The following SMC6 variants were observed in gnomAD, a reference collection of about 807,000 sequenced individuals.
SMC6 encodes the protein structural maintenance of chromosomes protein 6.
SMC6 carries 79 observed loss-of-function variants against 142.2 expected under a neutral mutation model. The ratio of observed to expected loss-of-function variants is 0.56; its 90% CI spans 0.46 to 0.67. SMC6 has a LOEUF of 0.67. Ranked by LOEUF, SMC6 falls within the 30% of genes least tolerant of loss-of-function variation. The pLI is 0.00. For missense variants in SMC6, 1,072 were observed against 1,284.0 expected (o/e 0.83, Z 2.52); for synonymous variants, 411 against 412.4 (o/e 1.00, Z 0.04).
intron 24 of SMC6, 138 bp from the exon 25 acceptor site, chr2:17,679,102 A>C (rs536072368): frequency 7.9e-4 from 439 of 553,418 alleles, no homozygotes; most frequent in African/African-American, 7.3e-3. Context: ...TTAATAGTTG[A>C]GTTTTAGGTA....
intron 18 of SMC6, among the ~76,000 whole-genome samples, chr2:17,703,832 A>G (rs759230245): frequency 5.9e-5 from 9 of 152,136 alleles, no homozygotes; most frequent in Non-Finnish European, 1.2e-4. Context: ...ACTGTACTGT[A>G]TATACTGTAT....
At chr2:17,732,923 ATCTT>A (rs1333140327) in intron 5 of SMC6, among the ~76,000 whole-genome samples, 3 of 152,258 alleles carry the variant, frequency 2.0e-5, no homozygotes, top group African/African-American at 2.4e-5. Flanking sequence ...AAAAAAAAAA[ATCTT>A]TATTTGTGTA....
chr2:17,690,795 G>T (rs551526928), intron 23 of SMC6, among the ~76,000 whole-genome samples: 11 of 151,906 alleles, frequency 7.2e-5, no homozygotes, highest in Admixed American at 7.2e-4. Context: ...TAAAATTACG[G>T]TTAATTCTTT....
chr2:17,734,435 C>T (rs931090682), intron 5 of SMC6, among the ~76,000 whole-genome samples: 9 of 152,068 alleles, frequency 5.9e-5, no homozygotes, highest in African/African-American at 1.7e-4. Flanking sequence ...TTCTAATGAA[C>T]GGTTAAGGTT....
intron 6 of SMC6, 117 bp downstream of exon 6, chr2:17,731,624 A>T: frequency 1.0e-6 from 1 of 961,380 alleles, no homozygotes; most frequent in East Asian, 2.4e-5. Flanking sequence ...GTATATATAT[A>T]TGCACACAAC....
chr2:17,738,987 G>A (rs1352825327), intron 4 of SMC6, among the ~76,000 whole-genome samples: 1 of 148,968 alleles, frequency 6.7e-6, no homozygotes, highest in Non-Finnish European at 1.5e-5. Context: ...TAAGCTCCAT[G>A]TGGACAGGAA....
intron 16 of SMC6, among the ~76,000 whole-genome samples, chr2:17,711,377 C>T (rs1668816975): frequency 6.6e-6 from 1 of 152,098 alleles, no homozygotes; most frequent in Admixed American, 6.6e-5. Context: ...TAATAGGACA[C>T]AGGTTCACAA....
chr2:17,736,249 T>C (rs544508925), intron 5 of SMC6, among the ~76,000 whole-genome samples: 2 of 152,182 alleles, frequency 1.3e-5, no homozygotes, highest in South Asian at 4.2e-4. Context: ...TAACTGTGTT[T>C]TAAAATATAT....
At chr2:17,701,603 G>A (rs562371847) in intron 20 of SMC6, among the ~76,000 whole-genome samples, 72 of 151,958 alleles carry the variant, frequency 4.7e-4, no homozygotes, top group African/African-American at 1.3e-3. Flanking sequence ...CCATGTGATA[G>A]GAGACAAAAT....
intron 23 of SMC6, among the ~76,000 whole-genome samples, chr2:17,684,576 C>T (rs982113322): frequency 1.3e-5 from 2 of 152,176 alleles, no homozygotes; most frequent in Non-Finnish European, 2.9e-5. Context: ...ATAATCCCAG[C>T]ACTTTGGGAG....
At chr2:17,705,030 G>A (rs1668435755) in intron 18 of SMC6, among the ~76,000 whole-genome samples, 1 of 152,058 alleles carries the variant, frequency 6.6e-6, no homozygotes, top group South Asian at 2.1e-4. Flanking sequence ...GCTGAGGTGG[G>A]CAGATCACTT....
chr2:17,747,395 T>G (rs1344650034), intron 2 of SMC6, among the ~76,000 whole-genome samples: 1 of 152,200 alleles, frequency 6.6e-6, no homozygotes, highest in African/African-American at 2.4e-5. Flanking sequence ...AGGGAAGCAG[T>G]TCTCAAAGGT....
Position 17,720,978 on chromosome 2 carries a change from G to C in SMC6, c.907C>G (p.Arg303Gly). ...IRDNIKIGED[R>G]AARLDRKMEE... ...ATTTTCCTGTCAAGTCTAGCAGCAC[G>C]ATCTTCTCCAATTTTGATATTATCT... The change falls in exon 11 of 28, where the codon CGT becomes GGT. Residue 303 changes from arginine to glycine, a missense_variant. Arg to Gly is a moderately radical substitution (Grantham distance 125). Transcript: ENST00000448223. 1.2e-6 allele frequency: 2 copies of C among 1,613,572 alleles called. No individual in the cohort carries two copies. The highest frequency in any genetic ancestry group is 1.7e-4 in the Middle Eastern group (1 of 5,972).
Position 17,707,355 on chromosome 2 carries a change from T to A in SMC6, c.1870A>T (p.Met624Leu), listed in dbSNP as rs1364928747. 2 of 1,576,038 alleles carry A rather than the reference T, an allele frequency of 1.3e-6. No homozygotes were observed. Among genetic ancestry groups the A allele is most frequent in the Non-Finnish European group, 1.7e-6 (2 of 1,164,310 alleles). ...TTTTTGGGTGGCTTTTGGGACTGCA[T>A]TACTGCACGAGCTACAGAATTATTC... ...IKNNSVARAV[M>L]QSQKPPKNCR... The change falls in exon 18 of 28, where the codon ATG becomes TTG. Residue 624 changes from methionine (M) to leucine (L), a missense_variant. Around this residue, in one of 3 missense-constraint regions of SMC6, gnomAD observed 994 missense variants for 1,153.2 expected, o/e 0.86. Coordinates refer to ENST00000448223, the MANE Select transcript of SMC6 (RefSeq NM_001142286.2).
intron 9 of SMC6, among the ~76,000 whole-genome samples, chr2:17,721,981 G>A (rs925827216): frequency 1.3e-5 from 2 of 152,056 alleles, no homozygotes; most frequent in African/African-American, 4.8e-5. Context: ...GTAGCTTATG[G>A]ACTTCATATT....
At chr2:17,736,049 T>G (rs187570973) in intron 5 of SMC6, among the ~76,000 whole-genome samples, 1 of 152,068 alleles carries the variant, frequency 6.6e-6, no homozygotes. Context: ...ACTAAAAACC[T>G]CAACAAGCTG....
At position 17,696,278 on chromosome 2, in the gene SMC6, T is replaced by G; in HGVS notation, c.2532+11A>C. ...TGAAAACAAAATAACTTGAAAAAAA[T>G]GGTGAAAAACCTCTAGTTCTTTCTC... On this transcript the variant is annotated intron_variant, in intron 22 of 27. Transcript: ENST00000448223. 1 of 1,579,492 alleles carries G rather than the reference T, an allele frequency of 6.3e-7. No individual in the cohort carries two copies. The highest frequency in any genetic ancestry group is 8.5e-7 in the Non-Finnish European group (1 of 1,170,958).
chr2:17,716,324 C>T lies in SMC6; in HGVS notation c.1347-60G>A, dbSNP rs1669082867. On this transcript the variant is annotated intron_variant, in intron 14 of 27. Coordinates refer to ENST00000448223, the MANE Select transcript of SMC6 (RefSeq NM_001142286.2). Reference sequence around the variant, plus strand: ...GTGATAGTTTTACAGAAACATTTAACCTTTGCCCATAACACCTACATCCCA... The same window carrying T: ...GTGATAGTTTTACAGAAACATTTAATCTTTGCCCATAACACCTACATCCCA... The T allele has an allele frequency of 2.6e-6, 4 of 1,530,558 alleles. No homozygotes were observed. In the Admixed American group the frequency reaches 8.8e-5, roughly 34 times the overall value. 94.8% of individuals were successfully genotyped at this position (1,530,558 alleles called of 1,614,324 possible).
At chr2:17,735,385 A>G (rs1485157622) in intron 5 of SMC6, among the ~76,000 whole-genome samples, 2 of 152,234 alleles carry the variant, frequency 1.3e-5, no homozygotes, top group African/African-American at 2.4e-5. Flanking sequence ...GTGCACATCA[A>G]TGAGAACAAG....
Sources: allele counts gnomAD v4.1 joint callset (sites outside exome capture counted in the v4.1 genomes callset), GRCh38; gene constraint gnomAD v4.1.1; regional missense constraint gnomAD v4.1.1; transcripts MANE v1.5; gene names NCBI Gene and HGNC (gene_info 2026-07-23, HGNC 2026-07-21).